The following NLRC5 variants were observed in gnomAD, a reference collection of about 807,000 sequenced individuals.
NLRC5 encodes NLR family CARD domain containing 5, also known as protein NLRC5.
In NLRC5, 114 loss-of-function variants were observed where a neutral mutation model predicts 206.9. The ratio of observed to expected loss-of-function variants is 0.55; its 90% CI spans 0.47 to 0.64. The LOEUF (loss-of-function observed/expected upper bound fraction) is 0.64, where lower values mean the gene tolerates loss of function less well. Among genes scored for constraint, NLRC5 ranks in the 30% least tolerant of loss-of-function variants. NLRC5 has a pLI of 0.00. For synonymous variants in NLRC5, 952 were observed against 962.8 expected, an observed-to-expected ratio of 0.99 and a Z score of 0.21; for missense variants, 2,008 against 2,305.5, an observed-to-expected ratio of 0.87 and a Z score of 2.64.
intron 38 of NLRC5, 150 bp downstream of exon 38, chr16:57,070,768 A>T: frequency 8.1e-6 from 4 of 491,686 alleles, no homozygotes; most frequent in East Asian, 4.3e-5. Flanking sequence ...GAGTGGTGGG[A>T]GTGGTTAATG....
chr16:57,000,667 G>A (rs1214990560), intron 1 of NLRC5, among the ~76,000 whole-genome samples: 1 of 152,072 alleles, frequency 6.6e-6, no homozygotes, highest in Non-Finnish European at 1.5e-5. Flanking sequence ...AGTCCTTTAG[G>A]GCCCTATCTT....
intron 2 of NLRC5, among the ~76,000 whole-genome samples, chr16:57,020,324 A>C: frequency 1.0e-5 from 1 of 95,550 alleles, no homozygotes; most frequent in East Asian, 3.2e-4. Context: ...CCTCCAGCTC[A>C]CCGGTTCCCC....
At position 57,045,510 on chromosome 16, in the gene NLRC5, G is replaced by GT; in HGVS notation, c.3248+18_3248+19insT. On this transcript the variant is annotated intron_variant, in intron 21 of 48. Transcript: ENST00000688547. ...ACAAGCAGGTGAGGAGGGAACGCTC[G>GT]GGGTGGGGGAGTCCCCTCCCGCTCT... The GT allele has an allele frequency of 2.5e-6, 4 of 1,613,094 alleles. No individual in the cohort carries two copies. Among genetic ancestry groups the GT allele is most frequent in the Non-Finnish European group, 1.7e-6 (2 of 1,179,552 alleles).
intron 40 of NLRC5, 70 bp downstream of exon 40, chr16:57,076,972 A>G (rs2068482740): frequency 4.6e-6 from 6 of 1,317,056 alleles, no homozygotes; most frequent in Non-Finnish European, 5.5e-6. Flanking sequence ...GCAAGGGGCT[A>G]CCTGAGCACG....
Position 57,077,530 on chromosome 16 carries a change from T to G in NLRC5, c.4919+151T>G, listed in dbSNP as rs969035305. The G allele has an allele frequency of 1.9e-5, 17 of 913,486 alleles. No homozygotes were observed. In the African/African-American group the frequency reaches 2.7e-4, roughly 14 times the overall value. 56.6% of individuals were successfully genotyped at this position (913,486 alleles called of 1,614,324 possible). ...GGCTCGGTGACCTCCTGGCCCTCAC[T>G]GCGGGACCTTAAGCCACCCCAGCCC... is the stretch of plus-strand genomic sequence containing the variant. On this transcript the variant is annotated intron_variant, in intron 41 of 48. Transcript: ENST00000688547.
intron 23 of NLRC5, among the ~76,000 whole-genome samples, chr16:57,050,414 G>A (rs1278405515): frequency 6.6e-6 from 1 of 152,238 alleles, no homozygotes; most frequent in African/African-American, 2.4e-5. Flanking sequence ...CCTCCAAACA[G>A]CCAGAGGAGA....
chr16:57,021,419 C>T (rs2060659552), intron 3 of NLRC5, among the ~76,000 whole-genome samples: 1 of 152,096 alleles, frequency 6.6e-6, no homozygotes, highest in Non-Finnish European at 1.5e-5. Context: ...AGTGCAGTGG[C>T]ACAATCATAG....
chr16:57,063,258 G>T (rs559602926), intron 32 of NLRC5, among the ~76,000 whole-genome samples: 1 of 151,522 alleles, frequency 6.6e-6, no homozygotes, highest in Non-Finnish European at 1.5e-5. Flanking sequence ...GATTACAGGC[G>T]CCCGCCACCA....
intron 24 of NLRC5, 81 bp downstream of exon 24, chr16:57,051,702 C>A: frequency 9.3e-7 from 1 of 1,073,962 alleles, no homozygotes; most frequent in Non-Finnish European, 1.4e-6. Context: ...TGTACCTGCC[C>A]TCTAACCCCT....
intron 1 of NLRC5, among the ~76,000 whole-genome samples, chr16:57,015,635 TAAAGG>T (rs2059981819): frequency 1.5e-5 from 2 of 135,936 alleles, no homozygotes; most frequent in South Asian, 2.3e-4. Flanking sequence ...AATAAATAAA[TAAAGG>T]AAAGAGGCTG....
At position 57,061,537 on chromosome 16, in the gene NLRC5, T is replaced by C; in HGVS notation, c.4070+6T>C. Reference sequence around the variant, plus strand: ...CTGCAGCTGACGGAGCTCACGTGAGTGACCCACCCAGCCCGTGAGGACAGC... The same window carrying C: ...CTGCAGCTGACGGAGCTCACGTGAGCGACCCACCCAGCCCGTGAGGACAGC... On this transcript the variant is annotated splice_donor_region_variant and intron_variant, in intron 31 of 48. Transcript: ENST00000688547. 6.2e-7 allele frequency: 1 copy of C among 1,609,538 alleles called. No individual in the cohort carries two copies. Among genetic ancestry groups the C allele is most frequent in the Non-Finnish European group, 8.5e-7 (1 of 1,179,972 alleles).
At chr16:57,040,812 G>T in intron 17 of NLRC5, 94 bp downstream of exon 17, 1 of 1,216,852 alleles carries the variant, frequency 8.2e-7, no homozygotes, top group Non-Finnish European at 1.2e-6. Context: ...GGCCCCACAT[G>T]CTCCCTGAAG....
At chr16:57,045,612 C>G in intron 21 of NLRC5, 120 bp downstream of exon 21, 1 of 854,988 alleles carries the variant, frequency 1.2e-6, no homozygotes, top group Non-Finnish European at 1.9e-6. Context: ...CACCCAAGTC[C>G]GGCACACTAG....
rs763425139 is a variant in NLRC5 at position 57,067,421 on chromosome 16, C to G, written c.4357C>G (p.Leu1453Val). 1.2e-6 allele frequency: 2 copies of G among 1,614,266 alleles called. No homozygotes were observed. The highest frequency in any genetic ancestry group is 3.3e-5 in the Admixed American group (2 of 60,036). The change falls in exon 35 of 49, where the codon CTT becomes GTT. Residue 1453 changes from leucine (L) to valine (V), a missense_variant. Coordinates refer to ENST00000688547, the MANE Select transcript of NLRC5 (RefSeq NM_001384950.1). Reference protein sequence around the residue: ...AHCDLGAHHSLLVGQLMETCA... With the variant: ...AHCDLGAHHSVLVGQLMETCA... Reference sequence around the variant, plus strand: ...CTGTGACCTTGGAGCCCACCACAGCCTTCTTGTCGGGCAGCTGATGGAGAC... The same window carrying G: ...CTGTGACCTTGGAGCCCACCACAGCGTTCTTGTCGGGCAGCTGATGGAGAC...
Position 57,054,780 on chromosome 16 carries a change from G to A in NLRC5, c.3536G>A (p.Ser1179Asn), listed in dbSNP as rs1256705254. 2 of 1,613,782 alleles carry A rather than the reference G, an allele frequency of 1.2e-6. No individual in the cohort carries two copies. Among genetic ancestry groups the A allele is most frequent in the South Asian group, 1.1e-5 (1 of 91,076 alleles). Residue 1179 changes from serine (S) to asparagine (N), a missense_variant, in exon 25 of 49, where the codon AGC (serine) becomes AAC (asparagine). By Grantham distance (46) the Ser-to-Asn change is conservative. Coordinates refer to ENST00000688547, the MANE Select transcript of NLRC5 (RefSeq NM_001384950.1). ...QLSQTGLSPKSPFLLANTLSL... is the reference protein window; with the variant it reads ...QLSQTGLSPKNPFLLANTLSL... Reference sequence around the variant, plus strand: ...AGCCAGACGGGACTGTCCCCGAAAAGCCCCTTCCTGCTGGCCAACACCTTA... The same window carrying A: ...AGCCAGACGGGACTGTCCCCGAAAAACCCCTTCCTGCTGGCCAACACCTTA...
rs1451758411 is a variant in NLRC5 at position 57,059,477 on chromosome 16, G to A, written c.3931G>A (p.Glu1311Lys). The A allele has an allele frequency of 4.3e-6, 7 of 1,609,784 alleles. No individual in the cohort carries two copies. The highest frequency in any genetic ancestry group is 5.9e-6 in the Non-Finnish European group (7 of 1,178,158). Residue 1311 changes from glutamate to lysine, a missense_variant, in exon 30 of 49, where the codon GAG (glutamate) becomes AAG (lysine). Glu to Lys is a moderately conservative substitution (Grantham distance 56). Coordinates refer to ENST00000688547, the MANE Select transcript of NLRC5 (RefSeq NM_001384950.1). ...VREASVNLGSEQSFRIHFSRE... is the reference protein window; with the variant it reads ...VREASVNLGSKQSFRIHFSRE... ...CCCTTCTCTCTGCAGCCTGGGCTCT[G>A]AGCAGAGCTTCCGGATTCACTTCTC...
At chr16:57,077,450 C>A in intron 41 of NLRC5, 71 bp downstream of exon 41, 1 of 1,389,432 alleles carries the variant, frequency 7.2e-7, no homozygotes, top group African/African-American at 1.4e-5. Context: ...TGGCCCCTAG[C>A]TGAGGCCAGC....
In NLRC5 at chr16:57,069,856, G is replaced by A; in HGVS notation, c.4520G>A (p.Ser1507Asn). 3 of 1,603,994 alleles carry A rather than the reference G, an allele frequency of 1.9e-6. No homozygotes were observed. Among genetic ancestry groups the A allele is most frequent in the Non-Finnish European group, 2.6e-6 (3 of 1,176,066 alleles). ...ACCAGGCTGACCTCCAGCTGTGTGA[G>A]CACCGAGGGCCTCGCCCACCTGGCA... ...KTFRLTSSCV[S>N]TEGLAHLASG... is the part of the protein sequence containing the mutation. The change falls in exon 37 of 49, where the codon AGC becomes AAC. Residue 1507 changes from serine to asparagine, a missense_variant. By Grantham distance (46) the Ser-to-Asn change is conservative (BLOSUM62 1). Coordinates refer to ENST00000688547, the MANE Select transcript of NLRC5 (RefSeq NM_001384950.1).
Position 57,034,219 on chromosome 16 carries a change from GC to G in NLRC5, c.2596del (p.Leu866SerfsTer24), listed in dbSNP as rs1339228922. Reference sequence around the variant, plus strand: ...ACGATGCGGAGGCCCTCATAGCCCTGCTCCAGGAAGGCCCTCACCTGGAGGA... The same window carrying G: ...ACGATGCGGAGGCCCTCATAGCCCTGTCCAGGAAGGCCCTCACCTGGAGGA... ...VHDAEALIALLQEGPHLEEVD... is the reference protein window; with the variant it reads ...VHDAEALIALXQEGPHLEEVD... On this transcript the variant is annotated frameshift_variant, in exon 13 of 49. Transcript: ENST00000688547. LOFTEE classifies it high-confidence loss of function. The G allele has an allele frequency of 9.3e-6, 15 of 1,613,956 alleles. No homozygotes were observed. Among genetic ancestry groups the G allele is most frequent in the Non-Finnish European group, 1.3e-5 (15 of 1,179,982 alleles).
Sources: allele counts gnomAD v4.1 joint callset (sites outside exome capture counted in the v4.1 genomes callset), GRCh38; gene constraint gnomAD v4.1.1; transcripts MANE v1.5; gene names NCBI Gene and HGNC (gene_info 2026-07-23, HGNC 2026-07-21).